The following STK35 variants were observed in gnomAD, a reference collection of about 807,000 sequenced individuals.
STK35 encodes serine/threonine-protein kinase 35.
In STK35, 17 loss-of-function variants were observed where a neutral mutation model predicts 37.3. The ratio of observed to expected loss-of-function variants is 0.46; its 90% CI spans 0.31 to 0.68. STK35 has a LOEUF of 0.68. Among genes scored for constraint, STK35 ranks in the 30% least tolerant of loss-of-function variants. The pLI is 0.05. For missense variants in STK35, 595 were observed against 746.7 expected, an observed-to-expected ratio of 0.80 and a Z score of 2.37; for synonymous variants, 385 against 319.1, an observed-to-expected ratio of 1.21 and a Z score of -2.20.
At chr20:2,113,062 C>T (rs972921095) in intron 2 of STK35, among the ~76,000 whole-genome samples, 2 of 152,266 alleles carry the variant, frequency 1.3e-5, no homozygotes, top group East Asian at 3.9e-4. Context: ...CTCCATCAGT[C>T]CTGTTCTGAC....
rs1215578076 is a variant in STK35, at chr20:2,145,283, T to A, written c.*1537T>A. Reference sequence around the variant, plus strand: ...ACTCCGAAGGCTTTTCACCCCATTATGGCCAAATAGTATAGGGCCACTGGG... The same window carrying A: ...ACTCCGAAGGCTTTTCACCCCATTAAGGCCAAATAGTATAGGGCCACTGGG... On this transcript the variant is annotated 3_prime_UTR_variant, in exon 4 of 4. Transcript: ENST00000381482. 6.6e-6 allele frequency: 1 copy of A among 152,374 alleles called. No individual in the cohort carries two copies. Among genetic ancestry groups the A allele is most frequent in the Non-Finnish European group, 1.5e-5 (1 of 68,140 alleles). 9.4% of individuals were successfully genotyped at this position (152,374 alleles called of 1,614,324 possible).
chr20:2,126,712 C>G (rs1430228200), intron 3 of STK35, among the ~76,000 whole-genome samples: 1 of 152,170 alleles, frequency 6.6e-6, no homozygotes, highest in Non-Finnish European at 1.5e-5. Context: ...TTCTAGGATT[C>G]AGAGGCATGG....
At chr20:2,139,006 A>G (rs1005291907) in intron 3 of STK35, among the ~76,000 whole-genome samples, 2 of 152,326 alleles carry the variant, frequency 1.3e-5, no homozygotes, top group East Asian at 1.9e-4. Context: ...AGCTTGGGTG[A>G]CAGAGTGAGA....
intron 3 of STK35, among the ~76,000 whole-genome samples, chr20:2,132,228 T>A (rs1404150542): frequency 3.9e-5 from 6 of 152,202 alleles, no homozygotes; most frequent in Non-Finnish European, 8.8e-5. Flanking sequence ...CCGCACTGTC[T>A]CAGGGCCACC....
intron 3 of STK35, among the ~76,000 whole-genome samples, chr20:2,122,117 T>G (rs1424665404): frequency 1.3e-5 from 2 of 152,200 alleles, no homozygotes; most frequent in Non-Finnish European, 2.9e-5. Flanking sequence ...GCAGATTGTT[T>G]GAGCTCACGA....
intron 3 of STK35, among the ~76,000 whole-genome samples, chr20:2,121,628 G>C (rs1171712934): frequency 6.6e-6 from 1 of 152,152 alleles, no homozygotes; most frequent in East Asian, 1.9e-4. Flanking sequence ...CAAATTTAGA[G>C]ATTTGCCACA....
At position 2,117,602 on chromosome 20, in the gene STK35, GC is replaced by G. The variant is rs1245255723; in HGVS notation, c.*37+190del. On this transcript the variant is annotated intron_variant, in intron 3 of 3. Transcript: ENST00000381482. The surrounding 1 kb of genome is among the most constrained non-coding windows in gnomAD (Gnocchi z 4.4). The stretch of plus-strand genomic sequence containing the variant: ...TGGGATTACAGGCACCTGCCATCAT[GC>G]CCGGCTAATTTTTGTATTTTTAGTA... Among the ~76,000 whole-genome samples, 1 of 152,136 alleles carries G rather than the reference GC, an allele frequency of 6.6e-6. No individual in the cohort carries two copies. Among genetic ancestry groups the G allele is most frequent in the Non-Finnish European group, 1.5e-5 (1 of 68,026 alleles).
chr20:2,126,979 T>G (rs1411728533), intron 3 of STK35, among the ~76,000 whole-genome samples: 1 of 152,142 alleles, frequency 6.6e-6, no homozygotes, highest in Non-Finnish European at 1.5e-5. Context: ...TGAAAATGCT[T>G]CCATTTTTCC....
In STK35 at chr20:2,101,994, T is replaced by TAGGAGCCC; in HGVS notation, c.117_124dup (p.Ala42GlufsTer126). The TAGGAGCCC allele has an allele frequency of 6.5e-7, 1 of 1,527,610 alleles. No individual in the cohort carries two copies. Among genetic ancestry groups the TAGGAGCCC allele is most frequent in the Non-Finnish European group, 8.8e-7 (1 of 1,142,490 alleles). 94.6% of individuals were successfully genotyped at this position (1,527,610 alleles called of 1,614,324 possible). A position where few individuals can be genotyped will look rare whatever the true frequency, so the allele number is the denominator to read the frequency against. ...GAACACGTGGAAAGCCACGGGAGCC[T>TAGGAGCCC]AGGAGCCCAGGCTTCCCCAGCGAGC... On this transcript the variant is annotated frameshift_variant, in exon 1 of 4. Transcript: ENST00000381482. LOFTEE classifies it high-confidence loss of function.
intron 2 of STK35, among the ~76,000 whole-genome samples, chr20:2,103,860 C>G (rs1463723188): frequency 6.6e-6 from 1 of 152,166 alleles, no homozygotes; most frequent in Non-Finnish European, 1.5e-5. Flanking sequence ...CCCCAAACTC[C>G]TGTGGCTTCC....
intron 3 of STK35, among the ~76,000 whole-genome samples, chr20:2,125,464 C>A (rs536598132): frequency 6.6e-6 from 1 of 152,196 alleles, no homozygotes; most frequent in Non-Finnish European, 1.5e-5. Flanking sequence ...GGATTTGAGA[C>A]GAGATGTATC....
At chr20:2,102,557 GT>G (rs1985415328) in intron 1 of STK35, among the ~76,000 whole-genome samples, 1 of 152,234 alleles carries the variant, frequency 6.6e-6, no homozygotes, top group Admixed American at 6.5e-5. Context: ...CGGAGAGTTT[GT>G]GCTTTTCTTT....
At chr20:2,108,122 T>A (rs1468526960) in intron 2 of STK35, among the ~76,000 whole-genome samples, 1 of 152,246 alleles carries the variant, frequency 6.6e-6, no homozygotes, top group African/African-American at 2.4e-5. Context: ...CTTTCTTAAC[T>A]GCTGTGGGGT....
At chr20:2,126,824 G>A (rs1338366840) in intron 3 of STK35, among the ~76,000 whole-genome samples, 3 of 152,202 alleles carry the variant, frequency 2.0e-5, no homozygotes, top group Non-Finnish European at 4.4e-5. Flanking sequence ...AGTTAGAGGT[G>A]CCAGGGGAAA....
At chr20:2,105,062 C>T (rs906821912) in intron 2 of STK35, among the ~76,000 whole-genome samples, 12 of 150,764 alleles carry the variant, frequency 8.0e-5, no homozygotes, top group African/African-American at 2.7e-4. Flanking sequence ...GAGGCAGAGG[C>T]AGGAGGATCA....
At position 2,117,536 on chromosome 20, in the gene STK35, C is replaced by T. The variant is rs1258890967; in HGVS notation, c.*37+121C>T. 5 of 569,452 alleles carry T rather than the reference C, an allele frequency of 8.8e-6. No individual in the cohort carries two copies. Among genetic ancestry groups the T allele is most frequent in the Admixed American group, 3.3e-5 (1 of 29,862 alleles). 35.3% of individuals were successfully genotyped at this position (569,452 alleles called of 1,614,324 possible). On this transcript the variant is annotated intron_variant, in intron 3 of 3. Transcript: ENST00000381482. This position sits in a 1 kb window ranked among gnomAD's most constrained non-coding sequence, Gnocchi z 4.4. ...CTCAGCTCACTGCAACCTCCACCTC[C>T]CGAGTTCAAGTGATTCTCGTGCCTC...
chr20:2,125,328 C>T (rs1985886387), intron 3 of STK35, among the ~76,000 whole-genome samples: 1 of 152,146 alleles, frequency 6.6e-6, no homozygotes, highest in Non-Finnish European at 1.5e-5. Context: ...CTTTTTATTC[C>T]GAGCCCTGAA....
At chr20:2,133,951 T>C (rs548825886) in intron 3 of STK35, among the ~76,000 whole-genome samples, 5 of 152,144 alleles carry the variant, frequency 3.3e-5, no homozygotes, top group Admixed American at 6.5e-5. Flanking sequence ...CAGTAAGTCA[T>C]ACCCTGCTGA....
At chr20:2,106,370 T>C (rs988596970) in intron 2 of STK35, among the ~76,000 whole-genome samples, 1 of 152,210 alleles carries the variant, frequency 6.6e-6, no homozygotes, top group African/African-American at 2.4e-5. Context: ...AAAGTGTGAA[T>C]CTGCCTTGAA....
Sources: allele counts gnomAD v4.1 joint callset (sites outside exome capture counted in the v4.1 genomes callset), GRCh38; gene constraint gnomAD v4.1.1; non-coding constraint Gnocchi (gnomAD v3.1); transcripts MANE v1.5; gene names NCBI Gene and HGNC (gene_info 2026-07-23, HGNC 2026-07-21).